ANK2: variants seen among roughly 807,000 people sequenced by gnomAD.
The protein encoded by ANK2 is ankyrin-2.
A neutral mutation model predicts 360.5 loss-of-function variants in ANK2; 83 were observed. The ratio of observed to expected loss-of-function variants is 0.23; its 90% confidence interval spans 0.19 to 0.28. The LOEUF (loss-of-function observed/expected upper bound fraction) is 0.28, where lower values mean the gene tolerates loss of function less well. ANK2 is among the 10% of genes least tolerant of loss of function. The probability of loss-of-function intolerance (pLI) is 1.00; values close to 1 mark genes in which losing one functional copy is unlikely to be tolerated. For missense variants in ANK2, 4,201 were observed against 4,795.7 expected (o/e 0.88, Z 3.66); for synonymous variants, 1,740 against 1,759.5 (o/e 0.99, Z 0.28).
At chr4:113,184,830 G>C (rs180762900) in intron 2 of ANK2, among the ~76,000 whole-genome samples, 72 of 151,970 alleles carry the variant, frequency 4.7e-4, no homozygotes, top group Non-Finnish European at 9.3e-4. Context: ...TCTACATTAG[G>C]TATTTCTCCT....
intron 29 of ANK2, among the ~76,000 whole-genome samples, chr4:113,335,288 A>C (rs537832396): frequency 4.6e-5 from 7 of 152,332 alleles, no homozygotes; most frequent in Admixed American, 4.6e-4. Flanking sequence ...ATCCACAGTG[A>C]GTACCTCAGA....
At chr4:113,159,671 C>CGATCTCG (rs1209010975) in intron 1 of ANK2, among the ~76,000 whole-genome samples, 3 of 151,688 alleles carry the variant, frequency 2.0e-5, no homozygotes, top group Admixed American at 6.6e-5. Context: ...TGCAGTGGCA[C>CGATCTCG]GATCTCGGCT....
chr4:113,149,838 C>G (rs1225300279), intron 1 of ANK2, among the ~76,000 whole-genome samples: 3 of 125,468 alleles, frequency 2.4e-5, no homozygotes. Context: ...GATCGTACCA[C>G]TGCACTCCAG....
intron 2 of ANK2, among the ~76,000 whole-genome samples, chr4:113,177,165 C>T (rs1007716160): frequency 2.6e-5 from 4 of 152,134 alleles, no homozygotes; most frequent in African/African-American, 4.8e-5. Flanking sequence ...CTGCAGGCTT[C>T]GTCCCCTGGG....
intron 18 of ANK2, among the ~76,000 whole-genome samples, chr4:113,283,398 A>G (rs759323425): frequency 3.7e-4 from 56 of 152,004 alleles, no homozygotes; most frequent in Admixed American, 2.0e-4. Flanking sequence ...TAAAATACAG[A>G]TTTTTTTCCA....
intron 24 of ANK2, among the ~76,000 whole-genome samples, chr4:113,315,642 T>C (rs1034498476): frequency 5.3e-5 from 8 of 152,188 alleles, no homozygotes; most frequent in Admixed American, 2.0e-4. Context: ...CTCACGCCTG[T>C]AATCCCAGCA....
rs199985481 is a variant in ANK2, at chr4:113,370,304, AT to A, written c.11610+510del. On this transcript the variant is annotated intron_variant, in intron 43 of 45. Transcript: ENST00000357077. ...AGAGGCAAGATGATTTCCAAGTTAG[AT>A]TTTTTTTTTTAAGATTTATTTTAGG... 1.0e-2 allele frequency among the ~76,000 whole-genome samples: 1,491 copies of A among 149,484 alleles called. 27 individuals are homozygous for A. The highest frequency in any genetic ancestry group is 0.033 in the African/African-American group (1,368 of 40,996).
chr4:113,102,992 C>CAT (rs1342104696), intron 1 of ANK2, among the ~76,000 whole-genome samples: 1 of 152,156 alleles, frequency 6.6e-6, no homozygotes, highest in Non-Finnish European at 1.5e-5. Flanking sequence ...GTTAATGCAA[C>CAT]ATGGTATTTA....
At chr4:112,722,979 GA>G in the ANK2 span, among the ~76,000 whole-genome samples, 17 of 149,732 alleles carry the variant, frequency 1.1e-4, no homozygotes, top group Admixed American at 6.0e-4. Flanking sequence ...AAAAGGAAAA[GA>G]AAAAAAAAGA....
At position 113,255,969 on chromosome 4, in the gene ANK2, T is replaced by C. The variant is rs190938903; in HGVS notation, c.1188+37T>C. On this transcript the variant is annotated intron_variant, in intron 11 of 45. Transcript: ENST00000357077. ...CCAGTCCACATTAACTGAATACAGATTGAGACAAACAAACCCACATTCATT... is the reference window on the plus strand; with the variant it reads ...CCAGTCCACATTAACTGAATACAGACTGAGACAAACAAACCCACATTCATT... 2.4e-3 allele frequency: 3,869 copies of C among 1,600,498 alleles called. 5 individuals carry two copies. The highest frequency in any genetic ancestry group is 2.9e-3 in the Non-Finnish European group (3,399 of 1,168,896).
intron 1 of ANK2, among the ~76,000 whole-genome samples, chr4:113,068,921 G>A (rs2076561620): frequency 6.6e-6 from 1 of 152,106 alleles, no homozygotes; most frequent in Admixed American, 6.6e-5. Context: ...AAATTAGCTA[G>A]GCGTGGTGGT....
chr4:113,379,604 A>G (rs1457101463), intron 45 of ANK2, among the ~76,000 whole-genome samples: 5 of 150,042 alleles, frequency 3.3e-5, no homozygotes, highest in Non-Finnish European at 5.9e-5. Context: ...CTTTTTGAAG[A>G]AAAAAAAAAT....
chr4:112,961,483 G>T (rs2034806742), intron 2 of ANK2, among the ~76,000 whole-genome samples: 1 of 152,074 alleles, frequency 6.6e-6, no homozygotes. Context: ...GAAAGAAAAA[G>T]TGTGTGTTTA....
At chr4:113,078,659 G>T (rs527473714) in intron 1 of ANK2, among the ~76,000 whole-genome samples, 1 of 152,262 alleles carries the variant, frequency 6.6e-6, no homozygotes, top group Non-Finnish European at 1.5e-5. Flanking sequence ...GATTAAGGAA[G>T]GTGCTCAAGT....
intron 2 of ANK2, among the ~76,000 whole-genome samples, chr4:112,992,371 T>C (rs1005323298): frequency 1.3e-5 from 2 of 152,190 alleles, no homozygotes; most frequent in African/African-American, 2.4e-5. Context: ...CTTGAACTCC[T>C]GACCTCAAGT....
chr4:113,015,916 G>T (rs2056479430), intron 2 of ANK2, among the ~76,000 whole-genome samples: 1 of 152,038 alleles, frequency 6.6e-6, no homozygotes, highest in African/African-American at 2.4e-5. Flanking sequence ...TAATAATGTG[G>T]TCATTAAAAG....
intron 1 of ANK2, among the ~76,000 whole-genome samples, chr4:112,878,010 G>A (rs2075620708): frequency 6.6e-6 from 1 of 152,058 alleles, no homozygotes; most frequent in African/African-American, 2.4e-5. Flanking sequence ...GGATTCTCAG[G>A]GTCCTGACTA....
chr4:113,032,531 G>C (rs2060637866), intron 2 of ANK2, among the ~76,000 whole-genome samples: 2 of 151,884 alleles, frequency 1.3e-5, no homozygotes. Flanking sequence ...GTTGGTGTTG[G>C]GACTCTGGAA....
intron 2 of ANK2, among the ~76,000 whole-genome samples, chr4:112,999,389 A>G (rs187212621): frequency 7.9e-4 from 121 of 152,254 alleles, no homozygotes; most frequent in Non-Finnish European, 1.3e-3. Context: ...CTCTTTTTAC[A>G]TTAAGGAAAT....
Sources: gnomAD v4.1 joint callset for allele counts (sites outside exome capture counted in the v4.1 genomes callset) on GRCh38, gnomAD v4.1.1 for gene constraint, MANE v1.5 for transcripts, NCBI Gene and HGNC (gene_info 2026-07-23, HGNC 2026-07-21) for gene names.